Variants in NTN1 observed in about 807,000 individuals in gnomAD.
NTN1 encodes netrin-1.
A neutral mutation model predicts 54.2 loss-of-function variants in NTN1; 11 were observed. The ratio of observed to expected loss-of-function variants is 0.20; its 90% confidence interval spans 0.13 to 0.34. NTN1 has a LOEUF of 0.34. Among genes scored for constraint, NTN1 ranks in the 10% least tolerant of loss-of-function variants. The pLI, the probability that NTN1 is intolerant of heterozygous loss-of-function variation, is 1.00. For synonymous variants in NTN1, 371 were observed against 382.0 expected (o/e 0.97, Z 0.33); for missense variants, 740 against 893.1 (o/e 0.83, Z 2.18).
intron 2 of NTN1, among the ~76,000 whole-genome samples, chr17:9,051,708 A>G (rs2142199403): frequency 6.6e-6 from 1 of 152,120 alleles, no homozygotes; most frequent in South Asian, 2.1e-4. Context: ...TTTAAGGTCT[A>G]CTCCCAGCAA....
rs1202852369 is a variant in NTN1, at chr17:9,219,770, C to T, written c.1412-1398C>T. 3.9e-5 allele frequency among the ~76,000 whole-genome samples: 6 copies of T among 152,348 alleles called. 1 individual carries two copies. The highest frequency in any genetic ancestry group is 1.4e-4 in the African/African-American group (6 of 41,572). On this transcript the variant is annotated intron_variant, in intron 5 of 6. Transcript: ENST00000173229. The surrounding 1 kb of genome is among the most constrained non-coding windows in gnomAD (Gnocchi z 4.5). The stretch of plus-strand genomic sequence containing the variant: ...CAAATCACTCCTCCCCTACCTTGAC[C>T]TTTGTTTTCCCCTCTGCGGGATAGG...
chr17:9,016,351 C>A, the NTN1 span, among the ~76,000 whole-genome samples: 1 of 77,472 alleles, frequency 1.3e-5, no homozygotes, highest in Non-Finnish European at 2.9e-5. Flanking sequence ...CAGCAGAAGT[C>A]CCCCTCTTAT....
intron 2 of NTN1, among the ~76,000 whole-genome samples, chr17:9,124,398 A>C (rs1299160223): frequency 6.6e-6 from 1 of 152,134 alleles, no homozygotes; most frequent in African/African-American, 2.4e-5. Context: ...TTCTCTCCGG[A>C]TTCCACTTCC....
chr17:9,046,928 A>G (rs549035776), intron 2 of NTN1, among the ~76,000 whole-genome samples: 3 of 152,382 alleles, frequency 2.0e-5, no homozygotes, highest in Admixed American at 6.5e-5. Flanking sequence ...GACCACTGCA[A>G]TAAAGGGAGT....
intron 2 of NTN1, among the ~76,000 whole-genome samples, chr17:9,097,629 C>G (rs2092136162): frequency 1.3e-5 from 2 of 151,074 alleles, no homozygotes; most frequent in Non-Finnish European, 3.0e-5. Context: ...CCTCAAAAAA[C>G]AAAAAAAGAA....
In NTN1 at chr17:9,203,250, CCT is replaced by C. The variant is rs374573018; in HGVS notation, c.1412-17915_1412-17914del. On this transcript the variant is annotated intron_variant, in intron 5 of 6. Coordinates refer to ENST00000173229, the MANE Select transcript of NTN1 (RefSeq NM_004822.3). ...TCATAATTTTCTGCCTCTTCTTTGC[CCT>C]CTGTTTGCCAGCTGTTCCCTCCTCC... Among the ~76,000 whole-genome samples the C allele has an allele frequency of 1.8e-4, 28 of 152,218 alleles. 1 individual carries two copies. In the East Asian group the frequency reaches 5.2e-3, roughly 28 times the overall value.
intron 4 of NTN1, among the ~76,000 whole-genome samples, chr17:9,180,179 C>T (rs956243179): frequency 5.9e-5 from 9 of 152,256 alleles, no homozygotes; most frequent in Non-Finnish European, 1.0e-4. Context: ...GCTGGAATTA[C>T]AGGCGCAAGC....
intron 3 of NTN1, among the ~76,000 whole-genome samples, chr17:9,169,090 C>T (rs2092380350): frequency 6.6e-6 from 1 of 152,178 alleles, no homozygotes; most frequent in Non-Finnish European, 1.5e-5. Context: ...GAGACATGAG[C>T]ATCACAAACC....
At chr17:9,202,109 TA>T (rs1335560204) in intron 5 of NTN1, among the ~76,000 whole-genome samples, 1 of 132,520 alleles carries the variant, frequency 7.5e-6, no homozygotes, top group East Asian at 2.2e-4. Context: ...GGTATGGTGG[TA>T]CGCACCTGTA....
the NTN1 span, among the ~76,000 whole-genome samples, chr17:9,005,518 T>C: frequency 6.6e-6 from 1 of 151,756 alleles, no homozygotes; most frequent in Non-Finnish European, 1.5e-5. Flanking sequence ...CCCAGAAGGC[T>C]GCATTTTAAA....
At chr17:9,022,262 T>C in intron 1 of NTN1, 49 bp from the exon 2 acceptor site, 1 of 1,161,972 alleles carries the variant, frequency 8.6e-7, no homozygotes, top group Non-Finnish European at 1.1e-6. Flanking sequence ...CGCCGAGAGC[T>C]GGAGGGCGCG....
At chr17:9,188,414 G>A (rs1372802321) in intron 5 of NTN1, among the ~76,000 whole-genome samples, 1 of 105,550 alleles carries the variant, frequency 9.5e-6, no homozygotes, top group Non-Finnish European at 1.8e-5. Flanking sequence ...GGCAATAAGA[G>A]TAAAACTCCA....
At chr17:9,163,029 C>A in intron 3 of NTN1, 28 bp downstream of exon 3, 1 of 1,560,154 alleles carries the variant, frequency 6.4e-7, no homozygotes, top group Non-Finnish European at 8.7e-7. Context: ...GGGCGGGGGG[C>A]TGGGGAGACC....
At chr17:9,155,772 C>G (rs2142292791) in intron 2 of NTN1, among the ~76,000 whole-genome samples, 1 of 152,326 alleles carries the variant, frequency 6.6e-6, no homozygotes, top group Middle Eastern at 3.4e-3. Flanking sequence ...TTCTCAAACT[C>G]AGCACTATGG....
intron 6 of NTN1, among the ~76,000 whole-genome samples, chr17:9,236,213 T>C (rs961155717): frequency 1.3e-5 from 2 of 151,966 alleles, no homozygotes; most frequent in African/African-American, 4.8e-5. Flanking sequence ...GAGCTGCCCA[T>C]AGACCACTGT....
intron 2 of NTN1, among the ~76,000 whole-genome samples, chr17:9,129,522 C>T (rs886552408): frequency 1.3e-5 from 2 of 152,100 alleles, no homozygotes; most frequent in African/African-American, 4.8e-5. Context: ...GAGTTTCATC[C>T]CATCAAAAGT....
intron 6 of NTN1, among the ~76,000 whole-genome samples, chr17:9,235,831 T>C (rs1305537152): frequency 2.0e-5 from 3 of 151,310 alleles, no homozygotes; most frequent in Non-Finnish European, 2.9e-5. Context: ...CTTGGCTCAC[T>C]GCAACCTCTG....
At chr17:9,006,080 G>C in the NTN1 span, among the ~76,000 whole-genome samples, 2 of 152,012 alleles carry the variant, frequency 1.3e-5, no homozygotes, top group Non-Finnish European at 1.5e-5. Flanking sequence ...CAGCATGCTG[G>C]GGTTTGGAGG....
intron 6 of NTN1, among the ~76,000 whole-genome samples, chr17:9,224,850 G>C (rs1254088942): frequency 1.3e-5 from 2 of 152,192 alleles, no homozygotes; most frequent in Non-Finnish European, 2.9e-5. Flanking sequence ...GGGGGCTGGG[G>C]CTCTGGCACC....
Sources: allele counts gnomAD v4.1 joint callset (sites outside exome capture counted in the v4.1 genomes callset), GRCh38; gene constraint gnomAD v4.1.1; non-coding constraint Gnocchi (gnomAD v3.1); transcripts MANE v1.5; gene names NCBI Gene and HGNC (gene_info 2026-07-23, HGNC 2026-07-21).